SIPA1L3: variants seen among roughly 807,000 people sequenced by gnomAD.
SIPA1L3 encodes signal-induced proliferation-associated 1-like protein 3.
SIPA1L3 carries 59 observed loss-of-function variants against 150.1 expected under a neutral mutation model. That is an observed-to-expected ratio of 0.39 (90% CI 0.32 to 0.49). The LOEUF (loss-of-function observed/expected upper bound fraction) is 0.49. Among genes scored for constraint, SIPA1L3 ranks in the 20% least tolerant of loss-of-function variants. The pLI is 0.86. For missense variants in SIPA1L3, 2,211 were observed against 2,489.5 expected, an observed-to-expected ratio of 0.89 and a Z score of 2.38; for synonymous variants, 1,070 against 1,077.6, an observed-to-expected ratio of 0.99 and a Z score of 0.14.
At position 37,909,096 on chromosome 19, in the gene SIPA1L3, C is replaced by T. The variant is rs576303278; in HGVS notation, c.-379+1738C>T. On this transcript the variant is annotated intron_variant, in intron 1 of 21. Transcript: ENST00000222345. Reference sequence around the variant, plus strand: ...GCCTAAGCCAGAAACCTGGGAGTTGCTCTTCTTCCCCAGCCTTCCCATATC... The same window carrying T: ...GCCTAAGCCAGAAACCTGGGAGTTGTTCTTCTTCCCCAGCCTTCCCATATC... Among the ~76,000 whole-genome samples the T allele has an allele frequency of 2.0e-5, 3 of 152,338 alleles. No homozygotes were observed. In the South Asian group the frequency reaches 6.2e-4, roughly 32 times the overall value.
chr19:38,053,766 T>C (rs117940099), intron 2 of SIPA1L3, among the ~76,000 whole-genome samples: 2,424 of 151,954 alleles, frequency 0.016, 34 homozygotes, highest in Non-Finnish European at 0.022. Context: ...GGGTCTCACT[T>C]TCTTGCCCAG....
At chr19:37,920,401 G>C (rs1283621555) in intron 1 of SIPA1L3, among the ~76,000 whole-genome samples, 1 of 152,132 alleles carries the variant, frequency 6.6e-6, no homozygotes, top group Non-Finnish European at 1.5e-5. Flanking sequence ...AAATATCTAT[G>C]ATTAAACTGT....
In SIPA1L3 at chr19:38,081,307, A is replaced by G. The variant is rs1371380207; in HGVS notation, c.-259A>G. The G allele has an allele frequency of 5.0e-5, 22 of 436,538 alleles. No homozygotes were observed. The highest frequency in any genetic ancestry group is 8.5e-5 in the Non-Finnish European group (21 of 247,582). The allele number at this position is 436,538 out of a possible 1,614,324, so 27.0% of individuals were successfully genotyped here. A position where few individuals can be genotyped will look rare whatever the true frequency, so the allele number is the denominator to read the frequency against. On this transcript the variant is annotated 5_prime_UTR_variant, in exon 3 of 22. Coordinates refer to ENST00000222345, the MANE Select transcript of SIPA1L3 (RefSeq NM_015073.3). ...CTCCAGCTGGCGGGCGACCACAGCT[A>G]CTGCCTGCTCTGCGCTACTGAGCCA... is the stretch of plus-strand genomic sequence containing the variant.
At chr19:38,043,138 G>A (rs1007944262) in intron 2 of SIPA1L3, among the ~76,000 whole-genome samples, 5 of 152,154 alleles carry the variant, frequency 3.3e-5, no homozygotes, top group Admixed American at 1.3e-4. Flanking sequence ...TCAGGAGTTC[G>A]AGACCAGCCT....
chr19:38,098,556 A>ACCTG (rs1970431700), intron 4 of SIPA1L3, among the ~76,000 whole-genome samples: 2 of 152,150 alleles, frequency 1.3e-5, no homozygotes, highest in South Asian at 2.1e-4. Context: ...CACCAGGCCC[A>ACCTG]GCTAATTTTT....
chr19:38,099,909 T>C (rs767420459), intron 4 of SIPA1L3, 53 bp from the exon 5 acceptor site: 104 of 1,406,470 alleles, frequency 7.4e-5, no homozygotes, highest in Non-Finnish European at 9.2e-5. Flanking sequence ...TATGCTCTTA[T>C]CCCTTTTTAG....
intron 8 of SIPA1L3, among the ~76,000 whole-genome samples, chr19:38,118,339 C>T (rs35469521): frequency 0.4 from 60,567 of 151,312 alleles, 12,519 homozygotes; most frequent in East Asian, 0.62. Flanking sequence ...ACAGGAGAAT[C>T]GCCTGAACCC....
At chr19:38,186,485 G>C (rs1600186660) in intron 16 of SIPA1L3, among the ~76,000 whole-genome samples, 1 of 64,782 alleles carries the variant, frequency 1.5e-5, no homozygotes, top group Non-Finnish European at 4.6e-5. Context: ...GCTAATTTTT[G>C]TTTTGTTTTG....
chr19:37,999,019 A>ACACACC (rs1967717730), intron 1 of SIPA1L3, among the ~76,000 whole-genome samples: 2 of 151,658 alleles, frequency 1.3e-5, no homozygotes, highest in African/African-American at 4.9e-5. Flanking sequence ...ACACCCACAC[A>ACACACC]CACACAAAGA....
At chr19:37,962,463 C>CTTT (rs71177491) in intron 1 of SIPA1L3, among the ~76,000 whole-genome samples, 35 of 73,082 alleles carry the variant, frequency 4.8e-4, no homozygotes, top group East Asian at 4.4e-3. Context: ...TGCAGCCGGC[C>CTTT]TTTTTTTTTT....
chr19:38,015,515 G>A (rs1968210857), intron 1 of SIPA1L3, among the ~76,000 whole-genome samples: 2 of 151,984 alleles, frequency 1.3e-5, no homozygotes, highest in South Asian at 4.1e-4. Context: ...CTTGACCCCA[G>A]GAGTTTGAGA....
Position 37,913,683 on chromosome 19 carries a change from A to G in SIPA1L3, c.-379+6325A>G, listed in dbSNP as rs773701762. 2.9e-4 allele frequency among the ~76,000 whole-genome samples: 42 copies of G among 144,632 alleles called. 1 individual carries two copies. Among genetic ancestry groups the G allele is most frequent in the Middle Eastern group, 7.3e-3 (2 of 274 alleles). 94.9% of individuals were successfully genotyped at this position (144,632 alleles called of 152,430 possible). ...AGTGCTGGGATTACAGGCGTGAGCC[A>G]CTGTGCCCAGCCTTTTCTTTCTTTT... On this transcript the variant is annotated intron_variant, in intron 1 of 21. Coordinates refer to ENST00000222345, the MANE Select transcript of SIPA1L3 (RefSeq NM_015073.3).
intron 1 of SIPA1L3, among the ~76,000 whole-genome samples, chr19:38,026,744 T>C (rs909146179): frequency 3.3e-5 from 5 of 152,138 alleles, no homozygotes; most frequent in African/African-American, 1.2e-4. Context: ...GGAAGATTAG[T>C]GGGTCACGAG....
intron 8 of SIPA1L3, among the ~76,000 whole-genome samples, chr19:38,117,866 A>C (rs1970923242): frequency 6.6e-6 from 1 of 150,814 alleles, no homozygotes; most frequent in African/African-American, 2.4e-5. Context: ...GCTCACTGCA[A>C]CCTCCGCCTC....
At chr19:38,187,190 G>T (rs1400354977) in intron 16 of SIPA1L3, among the ~76,000 whole-genome samples, 1 of 151,778 alleles carries the variant, frequency 6.6e-6, no homozygotes, top group East Asian at 1.9e-4. Context: ...GGTAGCTCAC[G>T]CCTATAATCC....
chr19:38,113,578 C>T (rs1214337264), intron 8 of SIPA1L3, among the ~76,000 whole-genome samples: 1 of 151,840 alleles, frequency 6.6e-6, no homozygotes, highest in African/African-American at 2.4e-5. Context: ...CATTGCACTC[C>T]AGCCTGGGTG....
chr19:38,205,361 G>A (rs1207224529), intron 21 of SIPA1L3, among the ~76,000 whole-genome samples: 1 of 151,766 alleles, frequency 6.6e-6, no homozygotes. Flanking sequence ...GGGAAGCTGG[G>A]GAGGAGAATT....
At chr19:37,935,599 G>A (rs2046593547) in intron 1 of SIPA1L3, among the ~76,000 whole-genome samples, 1 of 152,188 alleles carries the variant, frequency 6.6e-6, no homozygotes. Flanking sequence ...TTATGTGGCT[G>A]CAGTCAGAGG....
At chr19:37,983,505 A>G (rs1967254273) in intron 1 of SIPA1L3, among the ~76,000 whole-genome samples, 1 of 151,506 alleles carries the variant, frequency 6.6e-6, no homozygotes, top group South Asian at 2.1e-4. Context: ...AGCGTTGACC[A>G]TGAAGAGTAA....
Sources: gnomAD v4.1 joint callset for allele counts (sites outside exome capture counted in the v4.1 genomes callset) on GRCh38, gnomAD v4.1.1 for gene constraint, MANE v1.5 for transcripts, NCBI Gene and HGNC (gene_info 2026-07-23, HGNC 2026-07-21) for gene names.